LRRTM4: variants seen among roughly 807,000 people sequenced by gnomAD.
LRRTM4 encodes the protein leucine rich repeat transmembrane neuronal 4, also known as leucine-rich repeat transmembrane neuronal protein 4.
A neutral mutation model predicts 47.6 loss-of-function variants in LRRTM4; 25 were observed. The observed-to-expected ratio is 0.53, with a 90% CI of 0.38 to 0.73. LRRTM4 has a LOEUF of 0.73. LRRTM4 is among the 30% of genes least tolerant of loss of function. The pLI is 0.00. For synonymous variants in LRRTM4, 311 were observed against 269.5 expected (o/e 1.15, Z -1.51); for missense variants, 638 against 713.4 (o/e 0.89, Z 1.20).
intron 3 of LRRTM4, among the ~76,000 whole-genome samples, chr2:77,122,827 A>G (rs867150933): frequency 1.3e-5 from 2 of 152,014 alleles, no homozygotes; most frequent in African/African-American, 4.8e-5. Context: ...CACAATATAT[A>G]ATGAGTGAGA....
At chr2:76,985,965 A>C (rs1173928851) in intron 3 of LRRTM4, 1 of 152,050 alleles carries the variant, frequency 6.6e-6, no homozygotes, top group African/African-American at 2.4e-5. Context: ...CTGAGATCGC[A>C]ATTCACAATC....
rs932515512 is a variant in LRRTM4 at position 76,968,363 on chromosome 2, T to C, written c.1552-219447A>G. 1.9e-3 allele frequency among the ~76,000 whole-genome samples: 244 copies of C among 131,816 alleles called. 5 individuals carry two copies. The highest frequency in any genetic ancestry group is 6.5e-3 in the African/African-American group (230 of 35,300). The allele number at this position is 131,816 out of a possible 152,430, so 86.5% of individuals were successfully genotyped here. A position where few individuals can be genotyped will look rare whatever the true frequency, so the allele number is the denominator to read the frequency against. ...GTGTATATATATATATATATATATA[T>C]ATATATATATATATATATATACACA... On this transcript the variant is annotated intron_variant, in intron 3 of 3. Coordinates refer to ENST00000409884, the MANE Select transcript of LRRTM4 (RefSeq NM_001134745.3).
At chr2:77,099,179 T>C (rs930892915) in intron 3 of LRRTM4, among the ~76,000 whole-genome samples, 1 of 152,012 alleles carries the variant, frequency 6.6e-6, no homozygotes, top group African/African-American at 2.4e-5. Context: ...CTCATACATA[T>C]GACATCTAAA....
intron 3 of LRRTM4, among the ~76,000 whole-genome samples, chr2:76,815,831 G>T (rs1439853391): frequency 1.3e-5 from 2 of 152,090 alleles, no homozygotes; most frequent in African/African-American, 4.8e-5. Context: ...CAAATATAGA[G>T]AAATGAATTT....
At chr2:77,003,167 A>G (rs946883637) in intron 3 of LRRTM4, among the ~76,000 whole-genome samples, 1 of 139,090 alleles carries the variant, frequency 7.2e-6, no homozygotes, top group Non-Finnish European at 1.5e-5. Context: ...TCAGCTTTTT[A>G]TGTTCTTATT....
chr2:77,224,575 A>G (rs1048130784), intron 3 of LRRTM4, among the ~76,000 whole-genome samples: 1 of 152,256 alleles, frequency 6.6e-6, no homozygotes, highest in Admixed American at 6.5e-5. Flanking sequence ...ATTTCTCAAA[A>G]GAAGACATTT....
rs966553243 is a variant in LRRTM4, at chr2:77,004,140, A to G, written c.1552-255224T>C. Among the ~76,000 whole-genome samples the G allele has an allele frequency of 2.0e-5, 3 of 152,252 alleles. No individual in the cohort carries two copies. The South Asian group carries it at 6.2e-4, about 31-fold the overall frequency. On this transcript the variant is annotated intron_variant, in intron 3 of 3. Transcript: ENST00000409884. ...TGCAGCCTGAAATGCAGTAGAAAAG[A>G]AAACCCCATTTTCTGGGGAGAAATT... is the stretch of plus-strand genomic sequence containing the variant.
In LRRTM4 at chr2:76,909,428, G is replaced by A. The variant is rs1464019827; in HGVS notation, c.1552-160512C>T. 2.6e-5 allele frequency among the ~76,000 whole-genome samples: 4 copies of A among 151,958 alleles called. No individual in the cohort carries two copies. In the East Asian group the frequency reaches 5.8e-4, roughly 22 times the overall value. ...CTAGGCATTACCATTCAGGACATAG[G>A]CATGGGCAAGGACTTCATGTCTAAA... On this transcript the variant is annotated intron_variant, in intron 3 of 3. Transcript: ENST00000409884.
At chr2:77,192,537 C>G (rs575554729) in intron 3 of LRRTM4, among the ~76,000 whole-genome samples, 1 of 151,954 alleles carries the variant, frequency 6.6e-6, no homozygotes, top group Non-Finnish European at 1.5e-5. Context: ...AATAATTTTT[C>G]TAAAAAATGT....
chr2:77,229,587 C>T (rs1674908944), intron 3 of LRRTM4, among the ~76,000 whole-genome samples: 1 of 152,060 alleles, frequency 6.6e-6, no homozygotes, highest in Non-Finnish European at 1.5e-5. Flanking sequence ...TCTAACACCC[C>T]ACATTTAAGC....
At position 76,864,718 on chromosome 2, in the gene LRRTM4, A is replaced by C. The variant is rs1047324188; in HGVS notation, c.1552-115802T>G. Among the ~76,000 whole-genome samples, 8 of 151,348 alleles carry C rather than the reference A, an allele frequency of 5.3e-5. No individual in the cohort carries two copies. The East Asian group carries it at 9.8e-4, about 19-fold the overall frequency. ...TCAGATGGTTCTTAGAATCCCATTC[A>C]ATTTTTTCCCTTTCTTTTTTAAGAC... On this transcript the variant is annotated intron_variant, in intron 3 of 3. Coordinates refer to ENST00000409884, the MANE Select transcript of LRRTM4 (RefSeq NM_001134745.3).
chr2:76,851,116 C>T (rs892685438), intron 3 of LRRTM4, among the ~76,000 whole-genome samples: 21 of 152,162 alleles, frequency 1.4e-4, no homozygotes, highest in African/African-American at 4.8e-4. Flanking sequence ...TTCTATTTAT[C>T]TAAGAGTTCA....
At chr2:77,022,824 G>A (rs1281272116) in intron 3 of LRRTM4, among the ~76,000 whole-genome samples, 2 of 152,300 alleles carry the variant, frequency 1.3e-5, no homozygotes, top group East Asian at 3.9e-4. Context: ...TTGAGTGTCT[G>A]TGGCTTTTCA....
intron 3 of LRRTM4, among the ~76,000 whole-genome samples, chr2:77,325,277 C>A (rs560340742): frequency 6.6e-6 from 1 of 152,106 alleles, no homozygotes; most frequent in Non-Finnish European, 1.5e-5. Flanking sequence ...GAGCACTTGG[C>A]AAAGGACAAA....
chr2:77,496,552 A>G (rs1678371329), intron 3 of LRRTM4, among the ~76,000 whole-genome samples: 1 of 151,826 alleles, frequency 6.6e-6, no homozygotes, highest in African/African-American at 2.4e-5. Context: ...AAATTTTCTC[A>G]AACGCTTTGT....
At chr2:77,106,053 T>C (rs1176224044) in intron 3 of LRRTM4, among the ~76,000 whole-genome samples, 1 of 152,156 alleles carries the variant, frequency 6.6e-6, no homozygotes, top group Non-Finnish European at 1.5e-5. Flanking sequence ...AGCTTTCTAT[T>C]TTTCTCAGAG....
chr2:77,178,075 T>C (rs1312706050), intron 3 of LRRTM4, among the ~76,000 whole-genome samples: 2 of 152,338 alleles, frequency 1.3e-5, no homozygotes, highest in Non-Finnish European at 2.9e-5. Context: ...ATACAGCAAG[T>C]GCTCAAAAGA....
chr2:77,075,863 C>T (rs899763410), intron 3 of LRRTM4, among the ~76,000 whole-genome samples: 3 of 125,214 alleles, frequency 2.4e-5, no homozygotes, highest in Admixed American at 9.8e-5. Flanking sequence ...TGCAGTGAGC[C>T]GAGATCCCGC....
intron 3 of LRRTM4, among the ~76,000 whole-genome samples, chr2:77,180,977 T>C (rs1393430492): frequency 6.6e-6 from 1 of 152,196 alleles, no homozygotes; most frequent in Non-Finnish European, 1.5e-5. Flanking sequence ...TAATAAAGCT[T>C]TCTAATCTTT....
Sources: gnomAD v4.1 joint callset for allele counts (sites outside exome capture counted in the v4.1 genomes callset) on GRCh38, gnomAD v4.1.1 for gene constraint, MANE v1.5 for transcripts, NCBI Gene and HGNC (gene_info 2026-07-23, HGNC 2026-07-21) for gene names.